PAPPA2: variants seen among roughly 807,000 people sequenced by gnomAD.
PAPPA2 encodes pappalysin 2.
A neutral mutation model predicts 176.4 loss-of-function variants in PAPPA2; 86 were observed. The ratio of observed to expected loss-of-function variants is 0.49; its 90% CI spans 0.41 to 0.58. PAPPA2 has a LOEUF of 0.58. PAPPA2 is among the 20% of genes least tolerant of loss of function. The probability of loss-of-function intolerance (pLI) is 0.00; values close to 1 mark genes in which losing one functional copy is unlikely to be tolerated. For synonymous variants in PAPPA2, 809 were observed against 852.2 expected (o/e 0.95, Z 0.88); for missense variants, 2,073 against 2,256.9 (o/e 0.92, Z 1.65).
At chr1:176,795,607 A>G (rs1665394522) in intron 20 of PAPPA2, among the ~76,000 whole-genome samples, 1 of 152,214 alleles carries the variant, frequency 6.6e-6, no homozygotes, top group African/African-American at 2.4e-5. Context: ...GTTTGCATGT[A>G]AATGAGTTTT....
intron 4 of PAPPA2, 104 bp downstream of exon 4, chr1:176,671,219 A>G (rs112752387): frequency 1.8e-5 from 26 of 1,453,686 alleles, no homozygotes; most frequent in Middle Eastern, 2.4e-4. Context: ...GAAAAAGTGA[A>G]TTTACACAGT....
At chr1:176,531,178 A>T (rs1385914614) in intron 1 of PAPPA2, among the ~76,000 whole-genome samples, 2 of 152,234 alleles carry the variant, frequency 1.3e-5, no homozygotes, top group East Asian at 3.9e-4. Context: ...TTCTAGCAGC[A>T]GGCAGGCAAG....
At chr1:176,470,325 G>A (rs1250560487) in intron 1 of PAPPA2, among the ~76,000 whole-genome samples, 1 of 152,116 alleles carries the variant, frequency 6.6e-6, no homozygotes, top group African/African-American at 2.4e-5. Flanking sequence ...CTTTTCAGAG[G>A]CCACATTGAC....
chr1:176,581,128 A>T (rs1287821522), intron 2 of PAPPA2, among the ~76,000 whole-genome samples: 4 of 151,948 alleles, frequency 2.6e-5, no homozygotes, highest in African/African-American at 7.3e-5. Context: ...CCATTTTGAA[A>T]TTTTTTTTAA....
intron 21 of PAPPA2, among the ~76,000 whole-genome samples, chr1:176,815,162 G>A (rs1557888439): frequency 6.6e-6 from 1 of 152,106 alleles, no homozygotes; most frequent in Non-Finnish European, 1.5e-5. Flanking sequence ...ACAGTAAAGT[G>A]ATGACAGAGG....
chr1:176,785,253 A>C (rs1020743392), intron 17 of PAPPA2, among the ~76,000 whole-genome samples: 1 of 152,164 alleles, frequency 6.6e-6, no homozygotes, highest in Non-Finnish European at 1.5e-5. Context: ...CATACCATGA[A>C]TTCTCAAGAC....
intron 3 of PAPPA2, among the ~76,000 whole-genome samples, chr1:176,617,058 T>A (rs1250228490): frequency 6.6e-6 from 1 of 151,956 alleles, no homozygotes; most frequent in East Asian, 1.9e-4. Flanking sequence ...AAATGCTCTG[T>A]GGATTTCAAT....
chr1:176,721,800 T>G (rs1393917308), intron 12 of PAPPA2, among the ~76,000 whole-genome samples: 2 of 152,298 alleles, frequency 1.3e-5, no homozygotes, highest in South Asian at 4.1e-4. Context: ...CTTAGTGTCT[T>G]AGTTTCAAAA....
chr1:176,813,487 T>C (rs1387866950), intron 21 of PAPPA2, among the ~76,000 whole-genome samples: 2 of 152,222 alleles, frequency 1.3e-5, no homozygotes, highest in Non-Finnish European at 1.5e-5. Context: ...CCATTCTCAC[T>C]GGCATGAAAT....
intron 21 of PAPPA2, among the ~76,000 whole-genome samples, chr1:176,804,005 T>G (rs1474791576): frequency 6.6e-6 from 1 of 152,212 alleles, no homozygotes; most frequent in Non-Finnish European, 1.5e-5. Context: ...TATTAGATTC[T>G]TGTGCCTCAT....
intron 10 of PAPPA2, 105 bp from the exon 11 acceptor site, chr1:176,709,878 C>A: frequency 9.6e-7 from 1 of 1,037,240 alleles, no homozygotes. Flanking sequence ...TTGCAGAATT[C>A]TCTTCAGTGG....
intron 1 of PAPPA2, among the ~76,000 whole-genome samples, chr1:176,481,184 G>A (rs574007630): frequency 7.9e-5 from 12 of 151,894 alleles, no homozygotes; most frequent in East Asian, 3.9e-4. Context: ...TAAGGAAGCC[G>A]TTAGTTTGCC....
Position 176,660,484 on chromosome 1 carries a change from G to A in PAPPA2, c.1992-10486G>A, listed in dbSNP as rs142996438. 9.2e-5 allele frequency among the ~76,000 whole-genome samples: 14 copies of A among 152,080 alleles called. No homozygotes were observed. In the East Asian group the frequency reaches 2.5e-3, roughly 27 times the overall value. ...TTCGCAAATTTGACAAACTTACATCGTATGAATTCTTGCAAGACATTGATT... is the reference window on the plus strand; with the variant it reads ...TTCGCAAATTTGACAAACTTACATCATATGAATTCTTGCAAGACATTGATT... On this transcript the variant is annotated intron_variant, in intron 3 of 22. Coordinates refer to ENST00000367662, the MANE Select transcript of PAPPA2 (RefSeq NM_020318.3).
Position 176,554,903 on chromosome 1 carries a change from G to A in PAPPA2, c.-916-504G>A, listed in dbSNP as rs572754936. ...TTGTTTTGTTTGTGACAAAACAAAA[G>A]AAAAATACAAGGGATCCCTAAAAGG... On this transcript the variant is annotated intron_variant, in intron 1 of 22. Coordinates refer to ENST00000367662, the MANE Select transcript of PAPPA2 (RefSeq NM_020318.3). 6.6e-5 allele frequency among the ~76,000 whole-genome samples: 10 copies of A among 151,892 alleles called. No homozygotes were observed. The South Asian group carries it at 2.1e-3, about 32-fold the overall frequency.
rs371375791 is a variant in PAPPA2, at chr1:176,842,505, A to G, written c.*51A>G. The G allele has an allele frequency of 4.7e-5, 71 of 1,499,068 alleles. No individual in the cohort carries two copies. In the African/African-American group the frequency reaches 9.3e-4, roughly 20 times the overall value. 92.9% of individuals were successfully genotyped at this position (1,499,068 alleles called of 1,614,324 possible). ...CTGCCTCAGAGGCAGTAAGAAAGAG[A>G]GGCCGACCCAGGAGGAAACAAAGGG... is the stretch of plus-strand genomic sequence containing the variant. On this transcript the variant is annotated 3_prime_UTR_variant, in exon 23 of 23. Transcript: ENST00000367662.
At chr1:176,802,914 A>AT (rs1372655842) in intron 21 of PAPPA2, among the ~76,000 whole-genome samples, 1 of 152,204 alleles carries the variant, frequency 6.6e-6, no homozygotes, top group Non-Finnish European at 1.5e-5. Flanking sequence ...TCTTATCTAA[A>AT]TAATTCCATC....
intron 17 of PAPPA2, among the ~76,000 whole-genome samples, chr1:176,773,193 T>G (rs1403402744): frequency 2.0e-5 from 3 of 152,168 alleles, no homozygotes; most frequent in Non-Finnish European, 4.4e-5. Context: ...TGAGGAAAGA[T>G]TAAATTATTT....
intron 14 of PAPPA2, among the ~76,000 whole-genome samples, chr1:176,753,301 G>A (rs1176739743): frequency 6.6e-6 from 1 of 152,116 alleles, no homozygotes; most frequent in Non-Finnish European, 1.5e-5. Flanking sequence ...CTTGGTAATA[G>A]TATTATTTCA....
intron 1 of PAPPA2, among the ~76,000 whole-genome samples, chr1:176,499,116 C>G (rs760406302): frequency 6.6e-6 from 1 of 152,122 alleles, no homozygotes; most frequent in Non-Finnish European, 1.5e-5. Context: ...CAAATAGTTA[C>G]CTGGCTGAAT....
Sources: allele counts gnomAD v4.1 joint callset (sites outside exome capture counted in the v4.1 genomes callset), GRCh38; gene constraint gnomAD v4.1.1; transcripts MANE v1.5; gene names NCBI Gene and HGNC (gene_info 2026-07-23, HGNC 2026-07-21).